GRIK3: variants seen among roughly 807,000 people sequenced by gnomAD.
GRIK3 encodes glutamate receptor ionotropic, kainate 3.
Under a neutral mutation model 102.5 loss-of-function variants are expected in GRIK3, and 29 were observed. The observed-to-expected ratio is 0.28, with a 90% CI of 0.21 to 0.39. The LOEUF is 0.39. Among genes scored for constraint, GRIK3 ranks in the 10% least tolerant of loss-of-function variants. GRIK3 has a pLI of 1.00. For missense variants in GRIK3, 908 were observed against 1,252.4 expected (o/e 0.73, Z 4.15); for synonymous variants, 511 against 504.9 (o/e 1.01, Z -0.16).
intron 9 of GRIK3, among the ~76,000 whole-genome samples, chr1:36,847,325 A>T (rs979803558): frequency 6.6e-6 from 1 of 152,374 alleles, no homozygotes. Context: ...GAAGCAGCCC[A>T]GTGTAAACAA....
At chr1:37,031,376 A>G (rs1642826419) in intron 1 of GRIK3, among the ~76,000 whole-genome samples, 1 of 152,252 alleles carries the variant, frequency 6.6e-6, no homozygotes, top group Admixed American at 6.5e-5. Flanking sequence ...ACAAAAAGAC[A>G]GAGCAATGCA....
chr1:36,821,199 C>T lies in GRIK3; in HGVS notation c.1755-1345G>A, dbSNP rs777213084. Among the ~76,000 whole-genome samples the T allele has an allele frequency of 3.3e-5, 5 of 152,194 alleles. No individual in the cohort carries two copies. In the East Asian group the frequency reaches 7.7e-4, roughly 24 times the overall value. ...TGGAAAGAATTTTATTTTCATGAAG[C>T]GGGAAGATCCCTCAAATAGGAAATT... On this transcript the variant is annotated intron_variant, in intron 11 of 15. Coordinates refer to ENST00000373091, the MANE Select transcript of GRIK3 (RefSeq NM_000831.4).
At chr1:36,887,769 A>ATATAT (rs1491580653) in intron 2 of GRIK3, among the ~76,000 whole-genome samples, 224 of 90,280 alleles carry the variant, frequency 2.5e-3, no homozygotes, top group African/African-American at 8.0e-3. Context: ...AAAAAAAAAA[A>ATATAT]AAATATATAT....
At chr1:36,971,579 A>G (rs116332353) in intron 1 of GRIK3, among the ~76,000 whole-genome samples, 2,341 of 152,206 alleles carry the variant, frequency 0.015, 24 homozygotes, top group Non-Finnish European at 0.025. Context: ...AGATGCGCAA[A>G]TTGCTCCACT....
intron 1 of GRIK3, among the ~76,000 whole-genome samples, chr1:36,977,714 A>G (rs1234266496): frequency 6.6e-6 from 1 of 152,076 alleles, no homozygotes; most frequent in Non-Finnish European, 1.5e-5. Context: ...GGGTGGGTGA[A>G]TCCTGACAGA....
intron 5 of GRIK3, among the ~76,000 whole-genome samples, chr1:36,866,002 G>A (rs1640780875): frequency 5.3e-5 from 8 of 152,174 alleles, no homozygotes; most frequent in Admixed American, 3.9e-4. Flanking sequence ...GCCTCAGTTT[G>A]CCTTCCAAGT....
rs1405925550 is a variant in GRIK3 at position 36,799,572 on chromosome 1, A to T, written c.*2279T>A. ...GCATATTTGGCTAGCTGCAGGTAAG[A>T]TCCTGATCTCCATCCTATGCCATTC... On this transcript the variant is annotated 3_prime_UTR_variant, in exon 16 of 16. Coordinates refer to ENST00000373091, the MANE Select transcript of GRIK3 (RefSeq NM_000831.4). 6.6e-6 allele frequency: 1 copy of T among 152,146 alleles called. No individual in the cohort carries two copies. The allele number at this position is 152,146 out of a possible 1,614,324, so 9.4% of individuals were successfully genotyped here.
intron 9 of GRIK3, among the ~76,000 whole-genome samples, chr1:36,843,696 C>A (rs1476065946): frequency 6.6e-6 from 1 of 152,214 alleles, no homozygotes; most frequent in African/African-American, 2.4e-5. Context: ...CTCCCCTGAG[C>A]CTCCTTCCTT....
chr1:36,951,598 T>C (rs551466090), intron 1 of GRIK3, among the ~76,000 whole-genome samples: 27 of 152,278 alleles, frequency 1.8e-4, no homozygotes, highest in African/African-American at 4.8e-4. Flanking sequence ...AGGCCCTGCA[T>C]TGGGGGACTG....
At chr1:36,994,014 C>A (rs902326337) in intron 1 of GRIK3, among the ~76,000 whole-genome samples, 1 of 152,286 alleles carries the variant, frequency 6.6e-6, no homozygotes, top group African/African-American at 2.4e-5. Flanking sequence ...AGAAGCCCAC[C>A]ACAACCACAC....
intron 1 of GRIK3, among the ~76,000 whole-genome samples, chr1:36,922,582 A>C (rs997718068): frequency 6.6e-6 from 1 of 152,232 alleles, no homozygotes; most frequent in Non-Finnish European, 1.5e-5. Context: ...GATGTTTACC[A>C]GGAATCACTG....
chr1:36,815,025 AT>A (rs1642609796), intron 13 of GRIK3, among the ~76,000 whole-genome samples: 2 of 152,230 alleles, frequency 1.3e-5, no homozygotes, highest in Admixed American at 6.5e-5. Context: ...ACACGTGCAC[AT>A]TCCCACATAT....
chr1:36,805,303 A>T, intron 14 of GRIK3, 66 bp from the exon 15 acceptor site: 1 of 1,529,118 alleles, frequency 6.5e-7, no homozygotes, highest in Non-Finnish European at 8.8e-7. Context: ...TGGCTCTGCC[A>T]ACACCCTGGT....
At chr1:36,927,165 A>C (rs1053441527) in intron 1 of GRIK3, among the ~76,000 whole-genome samples, 1 of 152,252 alleles carries the variant, frequency 6.6e-6, no homozygotes, top group Non-Finnish European at 1.5e-5. Context: ...GGGGAGACAG[A>C]GACCCTCGTT....
chr1:37,032,537 T>C (rs1226270209), intron 1 of GRIK3, among the ~76,000 whole-genome samples: 2 of 151,912 alleles, frequency 1.3e-5, no homozygotes, highest in Admixed American at 1.3e-4. Flanking sequence ...AGGCTGGGCT[T>C]GGGGCAGGCA....
chr1:36,978,185 C>CTATT (rs1216665039), intron 1 of GRIK3, among the ~76,000 whole-genome samples: 1 of 152,258 alleles, frequency 6.6e-6, no homozygotes, highest in Non-Finnish European at 1.5e-5. Context: ...AGTCAGTGAG[C>CTATT]TATTCATTTG....
Position 36,872,311 on chromosome 1 carries a change from C to T in GRIK3, c.609G>A (p.Lys203=). 3 of 1,612,908 alleles carry T rather than the reference C, an allele frequency of 1.9e-6. No individual in the cohort carries two copies. In the South Asian group the frequency reaches 3.3e-5, roughly 18 times the overall value. The part of the protein sequence containing the change: ...MAPSRYNIRL[K]IRQLPIDSDD... ...CAGAGTCGATGGGGAGCTGACGGAT[C>T]TTCAGGCGGATGTTGTATCTTGATG... The change falls in exon 4 of 16, where the codon AAG becomes AAA. Residue 203 remains lysine, a synonymous_variant. Coordinates refer to ENST00000373091, the MANE Select transcript of GRIK3 (RefSeq NM_000831.4). The surrounding 1 kb of genome is among the most constrained non-coding windows in gnomAD (Gnocchi z 5.9).
chr1:36,890,589 T>C (rs1022183958), intron 2 of GRIK3, among the ~76,000 whole-genome samples: 1 of 152,114 alleles, frequency 6.6e-6, no homozygotes, highest in Non-Finnish European at 1.5e-5. Flanking sequence ...TGGCTCAGTA[T>C]GTGGAGGGCA....
At chr1:37,011,278 G>C (rs910067002) in intron 1 of GRIK3, among the ~76,000 whole-genome samples, 1 of 152,188 alleles carries the variant, frequency 6.6e-6, no homozygotes, top group Non-Finnish European at 1.5e-5. Flanking sequence ...TAACATTGTT[G>C]TGACAGTGAA....
Sources: allele counts gnomAD v4.1 joint callset (sites outside exome capture counted in the v4.1 genomes callset), GRCh38; gene constraint gnomAD v4.1.1; non-coding constraint Gnocchi (gnomAD v3.1); transcripts MANE v1.5; gene names NCBI Gene and HGNC (gene_info 2026-07-23, HGNC 2026-07-21).